Variants in MPND observed in about 807,000 individuals in gnomAD.
MPND encodes the protein MPN domain containing.
MPND carries 56 observed loss-of-function variants against 59.2 expected under a neutral mutation model. That is an observed-to-expected ratio of 0.95 (90% CI 0.76 to 1.18). MPND has a LOEUF of 1.18. MPND is among the 50% of genes most tolerant of loss of function. MPND has a pLI of 0.00. For missense variants in MPND, 671 were observed against 676.0 expected (o/e 0.99, Z 0.08); for synonymous variants, 323 against 291.9 (o/e 1.11, Z -1.09).
chr19:4,353,377 C>T (rs1044876654), intron 4 of MPND, among the ~76,000 whole-genome samples: 6 of 152,152 alleles, frequency 3.9e-5, no homozygotes, highest in Non-Finnish European at 7.3e-5. Context: ...AAGCGATTCT[C>T]CTGCCTCAGC....
intron 2 of MPND, among the ~76,000 whole-genome samples, chr19:4,345,495 C>A (rs1568394245): frequency 1.3e-5 from 2 of 152,200 alleles, no homozygotes; most frequent in Admixed American, 1.3e-4. Context: ...CAGACCCTAT[C>A]CCCGATCTTA....
Sources: allele counts gnomAD v4.1 joint callset (sites outside exome capture counted in the v4.1 genomes callset), GRCh38; gene constraint gnomAD v4.1.1; transcripts MANE v1.5; gene names NCBI Gene and HGNC (gene_info 2026-07-23, HGNC 2026-07-21).